The following MDGA2 variants were observed in gnomAD, a reference collection of about 807,000 sequenced individuals.
The protein encoded by MDGA2 is MAM domain-containing glycosylphosphatidylinositol anchor protein 2.
A neutral mutation model predicts 117.8 loss-of-function variants in MDGA2; 40 were observed. The observed-to-expected ratio is 0.34, with a 90% CI of 0.26 to 0.44. The LOEUF is 0.44. Ranked by LOEUF, MDGA2 falls within the 20% of genes least tolerant of loss-of-function variation. The probability of loss-of-function intolerance (pLI) is 1.00; values close to 1 mark genes in which losing one functional copy is unlikely to be tolerated. For synonymous variants in MDGA2, 452 were observed against 439.0 expected (o/e 1.03, Z -0.37); for missense variants, 1,123 against 1,250.6 (o/e 0.90, Z 1.54).
At chr14:47,234,319 C>T (rs1267005407) in intron 2 of MDGA2, among the ~76,000 whole-genome samples, 1 of 150,800 alleles carries the variant, frequency 6.6e-6, no homozygotes, top group Non-Finnish European at 1.5e-5. Flanking sequence ...AATAACAAAC[C>T]CTCTAGTATA....
chr14:47,498,896 T>A (rs891678213), intron 1 of MDGA2, among the ~76,000 whole-genome samples: 1 of 152,168 alleles, frequency 6.6e-6, no homozygotes, highest in South Asian at 2.1e-4. Flanking sequence ...AAAAGCAGTT[T>A]CCTTATTTAT....
At chr14:47,135,479 T>C (rs1378684583) in intron 4 of MDGA2, among the ~76,000 whole-genome samples, 2 of 152,180 alleles carry the variant, frequency 1.3e-5, no homozygotes, top group Non-Finnish European at 1.5e-5. Context: ...CAATGTTTGC[T>C]AGCATACATT....
chr14:46,885,025 T>G (rs1882618289), intron 10 of MDGA2, among the ~76,000 whole-genome samples: 1 of 151,968 alleles, frequency 6.6e-6, no homozygotes, highest in African/African-American at 2.4e-5. Context: ...TTTTTGTATT[T>G]TTAGTAGAGA....
intron 2 of MDGA2, among the ~76,000 whole-genome samples, chr14:47,274,430 A>G (rs1285585797): frequency 6.6e-6 from 1 of 152,018 alleles, no homozygotes; most frequent in Non-Finnish European, 1.5e-5. Context: ...TTTATTGCTG[A>G]TAACATTTCA....
chr14:47,394,443 TG>T (rs1267263599), intron 1 of MDGA2, among the ~76,000 whole-genome samples: 1 of 152,150 alleles, frequency 6.6e-6, no homozygotes, highest in Non-Finnish European at 1.5e-5. Flanking sequence ...TAACCTCAAC[TG>T]TGATAGCAAT....
intron 10 of MDGA2, among the ~76,000 whole-genome samples, chr14:46,882,681 T>A (rs1882511668): frequency 6.6e-6 from 1 of 151,818 alleles, no homozygotes; most frequent in South Asian, 2.1e-4. Flanking sequence ...TTCAAGTTTA[T>A]TAAAAAGAGA....
intron 1 of MDGA2, among the ~76,000 whole-genome samples, chr14:47,376,806 T>C (rs963260317): frequency 6.6e-6 from 1 of 151,964 alleles, no homozygotes; most frequent in Non-Finnish European, 1.5e-5. Flanking sequence ...GTAGAAAAAA[T>C]GCAGGAAAAA....
At chr14:47,067,426 TAATC>T (rs1291512067) in intron 6 of MDGA2, among the ~76,000 whole-genome samples, 1 of 152,194 alleles carries the variant, frequency 6.6e-6, no homozygotes, top group African/African-American at 2.4e-5. Context: ...CATCACGAAA[TAATC>T]AGCAAGGTGT....
rs34958634 is a variant in MDGA2 at position 46,918,760 on chromosome 14, C to CTTTTTTTTTTTTTTT, written c.2238+1237_2238+1251dup. On this transcript the variant is annotated intron_variant, in intron 10 of 16. Transcript: ENST00000399232. ...TAAGAATATGCTACATACAGTGTAT[C>CTTTTTTTTTTTTTTT]TTTTTTTTTTTTTTTTTGGAATCGG... Among the ~76,000 whole-genome samples the CTTTTTTTTTTTTTTT allele has an allele frequency of 1.9e-3, 234 of 124,720 alleles. 3 individuals are homozygous for CTTTTTTTTTTTTTTT. Among genetic ancestry groups the CTTTTTTTTTTTTTTT allele is most frequent in the African/African-American group, 6.7e-3 (199 of 29,804 alleles). 81.8% of individuals were successfully genotyped at this position (124,720 alleles called of 152,430 possible).
Position 46,873,796 on chromosome 14 carries a change from G to T in MDGA2, c.2594-205C>A, listed in dbSNP as rs1052871990. On this transcript the variant is annotated intron_variant, in intron 13 of 16. Transcript: ENST00000399232. ...TGATCTACCAAATTAAAGATAAAAT[G>T]TATAAAAAGTTGAAATTTAGACTTG... The T allele has an allele frequency of 2.3e-5, 13 of 569,744 alleles. No homozygotes were observed. In the African/African-American group the frequency reaches 2.3e-4, roughly 10 times the overall value. 35.3% of individuals were successfully genotyped at this position (569,744 alleles called of 1,614,324 possible).
At chr14:47,249,834 T>C (rs1271045764) in intron 2 of MDGA2, among the ~76,000 whole-genome samples, 1 of 152,240 alleles carries the variant, frequency 6.6e-6, no homozygotes, top group Non-Finnish European at 1.5e-5. Context: ...TTCTTCTTTG[T>C]ATTTCTTTTG....
chr14:47,608,774 G>A (rs1383662698), intron 1 of MDGA2, among the ~76,000 whole-genome samples: 1 of 152,092 alleles, frequency 6.6e-6, no homozygotes, highest in Non-Finnish European at 1.5e-5. Flanking sequence ...GGGGCACAGG[G>A]AAGAAGCAGG....
chr14:46,995,149 ATT>A (rs1374086648), intron 8 of MDGA2, among the ~76,000 whole-genome samples: 1 of 152,204 alleles, frequency 6.6e-6, no homozygotes, highest in African/African-American at 2.4e-5. Flanking sequence ...TCAAAAAACA[ATT>A]TAAGTAAAAC....
At chr14:46,889,377 A>C (rs1475198786) in intron 10 of MDGA2, among the ~76,000 whole-genome samples, 1 of 152,014 alleles carries the variant, frequency 6.6e-6, no homozygotes, top group Non-Finnish European at 1.5e-5. Flanking sequence ...GATATCCAGA[A>C]ATTTATAAGT....
intron 1 of MDGA2, among the ~76,000 whole-genome samples, chr14:47,532,746 G>T (rs1408583717): frequency 1.3e-5 from 2 of 152,058 alleles, no homozygotes; most frequent in African/African-American, 4.8e-5. Context: ...AGTAACAGTA[G>T]AACTAATCCA....
rs367626589 is a variant in MDGA2, at chr14:46,999,260, TA to T, written c.1819+35750del. Among the ~76,000 whole-genome samples the T allele has an allele frequency of 1.9e-4, 29 of 151,800 alleles. No individual in the cohort carries two copies. In the East Asian group the frequency reaches 3.3e-3, roughly 17 times the overall value. On this transcript the variant is annotated intron_variant, in intron 8 of 16. Transcript: ENST00000399232. ...GTCCACCTATTTTACAATATAATGC[TA>T]AAAAATGTAATTAAGGTAATAAATT...
chr14:47,196,033 A>G (rs1012931753), intron 3 of MDGA2, among the ~76,000 whole-genome samples: 1 of 152,026 alleles, frequency 6.6e-6, no homozygotes, highest in Non-Finnish European at 1.5e-5. Context: ...TAAATAGTAA[A>G]CTTATAAGGA....
chr14:47,002,028 G>A (rs1338059242), intron 8 of MDGA2, among the ~76,000 whole-genome samples: 1 of 152,102 alleles, frequency 6.6e-6, no homozygotes, highest in Non-Finnish European at 1.5e-5. Flanking sequence ...TCCAGGTTGT[G>A]GAGTGGGGGC....
chr14:47,634,843 T>C (rs1444115662), intron 1 of MDGA2, among the ~76,000 whole-genome samples: 1 of 152,098 alleles, frequency 6.6e-6, no homozygotes, highest in African/African-American at 2.4e-5. Flanking sequence ...TCTCAATCAT[T>C]ACCATGTTCA....
Sources: allele counts gnomAD v4.1 joint callset (sites outside exome capture counted in the v4.1 genomes callset), GRCh38; gene constraint gnomAD v4.1.1; transcripts MANE v1.5; gene names NCBI Gene and HGNC (gene_info 2026-07-23, HGNC 2026-07-21).